CFH: variants seen among roughly 807,000 people sequenced by gnomAD.
The protein encoded by CFH is H factor 1 (complement).
In CFH, 53 loss-of-function variants were observed where a neutral mutation model predicts 147.3. The ratio of observed to expected loss-of-function variants is 0.36; its 90% CI spans 0.29 to 0.45. The LOEUF is 0.45. Ranked by LOEUF, CFH falls within the 20% of genes least tolerant of loss-of-function variation. CFH has a pLI of 1.00. For missense variants in CFH, 1,380 were observed against 1,498.0 expected (o/e 0.92, Z 1.30); for synonymous variants, 536 against 489.4 (o/e 1.10, Z -1.26).
At chr1:196,737,346 T>A in intron 16 of CFH, 129 bp from the exon 17 acceptor site, 1 of 715,040 alleles carries the variant, frequency 1.4e-6, no homozygotes, top group Non-Finnish European at 2.3e-6. Context: ...TTCTAATATG[T>A]TTTTGTTTTT....
At chr1:196,663,978 A>G (rs1666989576) in intron 1 of CFH, among the ~76,000 whole-genome samples, 1 of 152,166 alleles carries the variant, frequency 6.6e-6, no homozygotes, top group South Asian at 2.1e-4. Context: ...ATACCAAGAT[A>G]TGTTATGGTA....
chr1:196,746,518 C>T (rs1343522100), intron 21 of CFH, among the ~76,000 whole-genome samples: 2 of 152,224 alleles, frequency 1.3e-5, no homozygotes, highest in Non-Finnish European at 2.9e-5. Flanking sequence ...ATTTAGTTGA[C>T]AAATAAAAAT....
intron 1 of CFH, among the ~76,000 whole-genome samples, chr1:196,668,579 G>C (rs923742991): frequency 6.6e-6 from 1 of 152,134 alleles, no homozygotes; most frequent in Non-Finnish European, 1.5e-5. Flanking sequence ...GATCATGGGG[G>C]TTGTTTGTCC....
At chr1:196,658,407 A>ATTTTTGTTTTTTTTTT (rs1666782590) in intron 1 of CFH, among the ~76,000 whole-genome samples, 1 of 92,274 alleles carries the variant, frequency 1.1e-5, no homozygotes, top group Non-Finnish European at 2.0e-5. Context: ...TGCTCAGGTA[A>ATTTTTGTTTTTTTTTT]TTTTTTTTTT....
Position 196,713,774 on chromosome 1 carries a change from T to C in CFH, c.1376T>C (p.Phe459Ser). ...TCAAGTATAGATATTGAGAATGGGT[T>C]TATTTCTGAATCTCAGTATACATAT... ...SKSSIDIENG[F>S]ISESQYTYAL... is the part of the protein sequence containing the mutation. Residue 459 changes from phenylalanine (F) to serine (S), a missense_variant, in exon 10 of 22, where the codon TTT (phenylalanine) becomes TCT (serine). By Grantham distance (155) the Phe-to-Ser change is radical. Around this residue, in one of 4 missense-constraint regions of CFH, gnomAD observed 830 missense variants for 821.4 expected, o/e 1.01. Transcript: ENST00000367429. 1 of 1,603,184 alleles carries C rather than the reference T, an allele frequency of 6.2e-7. No individual in the cohort carries two copies. Among genetic ancestry groups the C allele is most frequent in the Non-Finnish European group, 8.5e-7 (1 of 1,170,774 alleles).
At chr1:196,685,011 A>G in intron 6 of CFH, 53 bp from the exon 7 acceptor site, 30 of 1,354,576 alleles carry the variant, frequency 2.2e-5, no homozygotes, top group Non-Finnish European at 2.9e-5. Context: ...ATAAATGATT[A>G]ATTTTAACGG....
Position 196,677,639 on chromosome 1 carries a change from T to C in CFH, c.591T>C (p.Phe197=), listed in dbSNP as rs1667505028. ...AAATGCATTGTTCAGACGATGGTTT[T>C]TGGAGTAAAGAGAAACCAAAGTGTG... The part of the protein sequence containing the change: ...DEEMHCSDDG[F]WSKEKPKCVE... Residue 197 remains phenylalanine, a synonymous_variant, in exon 5 of 22, where the codon TTT becomes TTC. Transcript: ENST00000367429. The C allele has an allele frequency of 6.2e-7, 1 of 1,613,088 alleles. No homozygotes were observed. The highest frequency in any genetic ancestry group is 8.5e-7 in the Non-Finnish European group (1 of 1,179,256).
chr1:196,710,408 G>A (rs899029190), intron 9 of CFH, among the ~76,000 whole-genome samples: 7 of 152,220 alleles, frequency 4.6e-5, no homozygotes, highest in Middle Eastern at 3.4e-3. Flanking sequence ...TTATAGGATC[G>A]ATCCATGCAT....
chr1:196,701,617 C>A, intron 9 of CFH: 1 of 443,606 alleles, frequency 2.3e-6, no homozygotes, highest in Non-Finnish European at 4.1e-6. Flanking sequence ...GCATACAAAT[C>A]TGACAATCTC....
chr1:196,737,642 T>C lies in CFH; in HGVS notation c.2764T>C (p.Ser922Pro). 1 of 1,613,354 alleles carries C rather than the reference T, an allele frequency of 6.2e-7. No homozygotes were observed. Among genetic ancestry groups the C allele is most frequent in the Non-Finnish European group, 8.5e-7 (1 of 1,179,534 alleles). ...AACATGCTACATGGGAAAATGGAGTTCTCCACCTCAGTGTGAAGGTTAGGC... is the reference window on the plus strand; with the variant it reads ...AACATGCTACATGGGAAAATGGAGTCCTCCACCTCAGTGTGAAGGTTAGGC... ...ETTCYMGKWS[S>P]PPQCEGLPCK... Residue 922 changes from serine (S) to proline (P), a missense_variant, in exon 17 of 22, where the codon TCT (serine) becomes CCT (proline). Around this residue, in one of 4 missense-constraint regions of CFH, gnomAD observed 830 missense variants for 821.4 expected, o/e 1.01. Coordinates refer to ENST00000367429, the MANE Select transcript of CFH (RefSeq NM_000186.4).
At chr1:196,654,979 T>C (rs1401201545) in intron 1 of CFH, among the ~76,000 whole-genome samples, 1 of 152,174 alleles carries the variant, frequency 6.6e-6, no homozygotes, top group Non-Finnish European at 1.5e-5. Context: ...ATTTAAATTG[T>C]GCGATGGCCC....
intron 3 of CFH, 29 bp downstream of exon 3, chr1:196,673,991 T>A (rs1184254798): frequency 7.1e-7 from 1 of 1,409,124 alleles, no homozygotes; most frequent in South Asian, 1.2e-5. Context: ...AAGAGGTTTA[T>A]AATTAAGATA....
intron 1 of CFH, among the ~76,000 whole-genome samples, chr1:196,665,423 A>G (rs1667047491): frequency 6.6e-6 from 1 of 151,292 alleles, no homozygotes; most frequent in African/African-American, 2.4e-5. Context: ...TTAAAATGAC[A>G]TATCATCATA....
chr1:196,695,375 C>T (rs488380), intron 9 of CFH, among the ~76,000 whole-genome samples: 105,578 of 151,814 alleles, frequency 0.7, 37,486 homozygotes, highest in East Asian at 0.95. Context: ...TATATCTGTT[C>T]TGGTACAAGT....
At chr1:196,654,207 T>C (rs7524776) in intron 1 of CFH, among the ~76,000 whole-genome samples, 22,863 of 152,072 alleles carry the variant, frequency 0.15, 1,798 homozygotes, top group African/African-American at 0.17. Flanking sequence ...ATCTGCTTTA[T>C]TCAACAGCAT....
chr1:196,661,871 A>G (rs1375756151), intron 1 of CFH, among the ~76,000 whole-genome samples: 1 of 152,086 alleles, frequency 6.6e-6, no homozygotes, highest in Non-Finnish European at 1.5e-5. Flanking sequence ...CCTACTTAAA[A>G]AGAGGTTTTG....
chr1:196,728,389 A>T lies in CFH; in HGVS notation c.2280A>T (p.Ile760=), dbSNP rs1669197852. The change falls in exon 15 of 22, where the codon ATA becomes ATT. Residue 760 remains isoleucine (I), a synonymous_variant. Transcript: ENST00000367429. Reference sequence around the variant, plus strand: ...AGTGCAAATCATCAAATTTAATTATACTTGAGGAACATTTAAAAAACAAGA... The same window carrying T: ...AGTGCAAATCATCAAATTTAATTATTCTTGAGGAACATTTAAAAAACAAGA... ...LKKCKSSNLI[I]LEEHLKNKKE... 6.3e-7 allele frequency: 1 copy of T among 1,587,356 alleles called. No individual in the cohort carries two copies. Among genetic ancestry groups the T allele is most frequent in the African/African-American group, 1.4e-5 (1 of 74,002 alleles).
intron 9 of CFH, among the ~76,000 whole-genome samples, chr1:196,707,342 C>T (rs899899279): frequency 6.6e-6 from 1 of 152,144 alleles, no homozygotes; most frequent in African/African-American, 2.4e-5. Flanking sequence ...ATGCCAATAA[C>T]ATACACATAA....
At chr1:196,692,728 C>CTT (rs1668084081) in intron 9 of CFH, among the ~76,000 whole-genome samples, 1 of 96,060 alleles carries the variant, frequency 1.0e-5, no homozygotes, top group Non-Finnish European at 2.1e-5. Flanking sequence ...TTCTTTCTTT[C>CTT]TCTTTCCCTT....
Sources: allele counts gnomAD v4.1 joint callset (sites outside exome capture counted in the v4.1 genomes callset), GRCh38; gene constraint gnomAD v4.1.1; regional missense constraint gnomAD v4.1.1; transcripts MANE v1.5; gene names NCBI Gene and HGNC (gene_info 2026-07-23, HGNC 2026-07-21).